Variants in QTMAN observed in about 807,000 individuals in gnomAD.
The protein encoded by QTMAN is tRNA-queuosine alpha-mannosyltransferase.
the QTMAN span, among the ~76,000 whole-genome samples, chr2:144,317,290 G>A: frequency 1.3e-4 from 20 of 151,970 alleles, no homozygotes; most frequent in African/African-American, 4.6e-4. Flanking sequence ...GGGAAAGGTG[G>A]TTAGAAAGGG....
At chr2:144,225,131 C>T in the QTMAN span, among the ~76,000 whole-genome samples, 1 of 152,124 alleles carries the variant, frequency 6.6e-6, no homozygotes, top group Non-Finnish European at 1.5e-5. Flanking sequence ...GGAGCATGTT[C>T]CACAGACCAC....
At chr2:143,978,040 G>A in the QTMAN span, among the ~76,000 whole-genome samples, 2 of 152,118 alleles carry the variant, frequency 1.3e-5, no homozygotes, top group Non-Finnish European at 1.5e-5. Flanking sequence ...ATAATGTACT[G>A]TTTCTGGGTG....
chr2:144,044,049 T>C, the QTMAN span, among the ~76,000 whole-genome samples: 2 of 152,186 alleles, frequency 1.3e-5, no homozygotes, highest in African/African-American at 4.8e-5. Context: ...ACTTTATTTT[T>C]AATCCTATTA....
chr2:144,146,090 A>G, the QTMAN span, among the ~76,000 whole-genome samples: 1 of 149,152 alleles, frequency 6.7e-6, no homozygotes, highest in Admixed American at 6.8e-5. Flanking sequence ...GATAAGACTG[A>G]CTGCGGAATA....
At chr2:144,328,021 G>A in the QTMAN span, among the ~76,000 whole-genome samples, 28 of 152,118 alleles carry the variant, frequency 1.8e-4, no homozygotes, top group African/African-American at 5.5e-4. Context: ...GTGCCATCTC[G>A]GCTCACTGCA....
At chr2:144,019,435 G>GGTGTGTGTGTGTGTGTGTGT in the QTMAN span, among the ~76,000 whole-genome samples, 85 of 117,266 alleles carry the variant, frequency 7.2e-4, no homozygotes, top group Middle Eastern at 4.2e-3. Flanking sequence ...TAAGCATGCA[G>GGTGTGTGTGTGTGTGTGTGT]GTGTGTGTGT....
At chr2:144,174,110 A>T in the QTMAN span, among the ~76,000 whole-genome samples, 1 of 152,214 alleles carries the variant, frequency 6.6e-6, no homozygotes, top group Non-Finnish European at 1.5e-5. Context: ...GATACCTTCA[A>T]ACCTTCTTAG....
chr2:143,985,953 TAAAGA>T, the QTMAN span, among the ~76,000 whole-genome samples: 1 of 152,346 alleles, frequency 6.6e-6, no homozygotes, highest in East Asian at 1.9e-4. Context: ...CCATTTAAAT[TAAAGA>T]AATTAGTAGT....
chr2:144,116,679 T>C, the QTMAN span, among the ~76,000 whole-genome samples: 1 of 152,214 alleles, frequency 6.6e-6, no homozygotes, highest in African/African-American at 2.4e-5. Context: ...ACTCGAGCAA[T>C]CTACTCCTGA....
the QTMAN span, chr2:144,294,442 T>G: frequency 2.0e-5 from 3 of 152,168 alleles, no homozygotes; most frequent in African/African-American, 4.8e-5. Context: ...GAATGAGAGC[T>G]CCTTAAGGCC....
chr2:144,133,410 A>G, the QTMAN span, among the ~76,000 whole-genome samples: 1 of 59,446 alleles, frequency 1.7e-5, no homozygotes, highest in Non-Finnish European at 2.7e-5. Flanking sequence ...AATATAATAT[A>G]TTATATATAA....
chr2:143,942,391 C>T, the QTMAN span: 1 of 167,308 alleles, frequency 6.0e-6, no homozygotes, highest in Non-Finnish European at 1.5e-5. Context: ...GAGAACTCTT[C>T]CCCTGGGATA....
At chr2:144,318,026 C>T in the QTMAN span, among the ~76,000 whole-genome samples, 1 of 152,118 alleles carries the variant, frequency 6.6e-6, no homozygotes, top group Non-Finnish European at 1.5e-5. Context: ...ACATAAACTG[C>T]AATCTACAGT....
the QTMAN span, among the ~76,000 whole-genome samples, chr2:143,991,652 T>C: frequency 8.2e-6 from 1 of 122,670 alleles, no homozygotes; most frequent in African/African-American, 3.2e-5. Context: ...GAGGAGCCCC[T>C]CTGCCCAGCC....
the QTMAN span, among the ~76,000 whole-genome samples, chr2:144,051,014 A>G: frequency 6.6e-6 from 1 of 152,216 alleles, no homozygotes; most frequent in African/African-American, 2.4e-5. Flanking sequence ...GTTGTAGAAC[A>G]TGCACATTAC....
chr2:144,133,051 C>T, the QTMAN span, among the ~76,000 whole-genome samples: 1 of 129,664 alleles, frequency 7.7e-6, no homozygotes, highest in Non-Finnish European at 1.6e-5. Context: ...AAACTGGAAA[C>T]CCTGTATACT....
At chr2:144,042,491 C>T in the QTMAN span, among the ~76,000 whole-genome samples, 1 of 152,100 alleles carries the variant, frequency 6.6e-6, no homozygotes. Context: ...CGTGGTGGTT[C>T]ACACCTATAA....
chr2:144,193,742 G>A, the QTMAN span, among the ~76,000 whole-genome samples: 1 of 151,880 alleles, frequency 6.6e-6, no homozygotes, highest in East Asian at 1.9e-4. Context: ...GCCAAGAAAG[G>A]TCTCAAACTC....
the QTMAN span, among the ~76,000 whole-genome samples, chr2:144,306,506 T>C: frequency 6.6e-6 from 1 of 152,148 alleles, no homozygotes; most frequent in African/African-American, 2.4e-5. Flanking sequence ...AAGAGTGAAC[T>C]CTAGTTTTTC....
Sources: gnomAD v4.1 joint callset for allele counts (sites outside exome capture counted in the v4.1 genomes callset) on GRCh38, gnomAD v4.1.1 for gene constraint, MANE v1.5 for transcripts, NCBI Gene and HGNC (gene_info 2026-07-23, HGNC 2026-07-21) for gene names.